PPP1R12A: variants seen among roughly 807,000 people sequenced by gnomAD.
PPP1R12A encodes the protein myosin binding subunit.
In PPP1R12A, 19 loss-of-function variants were observed where a neutral mutation model predicts 139.6. That is an observed-to-expected ratio of 0.14 (90% CI 0.09 to 0.20). The LOEUF (loss-of-function observed/expected upper bound fraction) is 0.20, where lower values mean the gene tolerates loss of function less well. Among genes scored for constraint, PPP1R12A ranks in the 10% least tolerant of loss-of-function variants. The pLI is 1.00. For synonymous variants in PPP1R12A, 427 were observed against 420.6 expected (o/e 1.02, Z -0.19); for missense variants, 925 against 1,211.5 (o/e 0.76, Z 3.51).
intron 1 of PPP1R12A, among the ~76,000 whole-genome samples, chr12:79,897,448 A>G (rs1885231672): frequency 6.6e-6 from 1 of 152,194 alleles, no homozygotes; most frequent in South Asian, 2.1e-4. Flanking sequence ...TACTTTGCTC[A>G]GTACCTGGGT....
At chr12:79,824,075 A>C (rs1876474611) in intron 5 of PPP1R12A, 1 of 152,214 alleles carries the variant, frequency 6.6e-6, no homozygotes, top group Non-Finnish European at 1.5e-5. Context: ...TTTTAGTTTT[A>C]ACAAACTTTC....
At chr12:79,786,870 A>C (rs1260910714) in intron 21 of PPP1R12A, 2 of 153,844 alleles carry the variant, frequency 1.3e-5, no homozygotes, top group Admixed American at 6.5e-5. Context: ...TTGCATTCCC[A>C]AAAATGAGAC....
intron 13 of PPP1R12A, 28 bp downstream of exon 13, chr12:79,806,138 C>A (rs1308847629): frequency 1.2e-6 from 2 of 1,610,126 alleles, no homozygotes; most frequent in Middle Eastern, 1.7e-4. Flanking sequence ...CACAGTAGAC[C>A]TGAGCACAAA....
Position 79,916,633 on chromosome 12 carries a change from T to G in PPP1R12A, c.237+18062A>C, listed in dbSNP as rs570208377. Reference sequence around the variant, plus strand: ...CACTTGCAAAAAGCTACAAAATACATCTAACCATATCCAGAATTCCATTAT... The same window carrying G: ...CACTTGCAAAAAGCTACAAAATACAGCTAACCATATCCAGAATTCCATTAT... On this transcript the variant is annotated intron_variant, in intron 1 of 24. Transcript: ENST00000450142. 3.3e-4 allele frequency among the ~76,000 whole-genome samples: 50 copies of G among 152,282 alleles called. No individual in the cohort carries two copies. In the South Asian group the frequency reaches 5.8e-3, roughly 18 times the overall value.
intron 5 of PPP1R12A, chr12:79,824,910 A>T (rs1876579233): frequency 1.3e-5 from 2 of 152,176 alleles, no homozygotes; most frequent in African/African-American, 4.8e-5. Flanking sequence ...AGTCACAAAC[A>T]CACTAGAGAC....
chr12:79,844,428 CT>C (rs966480512), intron 3 of PPP1R12A, among the ~76,000 whole-genome samples: 2 of 152,168 alleles, frequency 1.3e-5, no homozygotes, highest in African/African-American at 4.8e-5. Flanking sequence ...TTAGAATCTT[CT>C]TTTTTTCACA....
At chr12:79,925,261 C>T (rs549730028) in intron 1 of PPP1R12A, among the ~76,000 whole-genome samples, 2 of 149,556 alleles carry the variant, frequency 1.3e-5, no homozygotes, top group African/African-American at 4.9e-5. Flanking sequence ...CATACGTGTA[C>T]GTGTGTGTGT....
At chr12:79,931,020 A>G (rs1014530199) in intron 1 of PPP1R12A, among the ~76,000 whole-genome samples, 1 of 152,180 alleles carries the variant, frequency 6.6e-6, no homozygotes, top group Admixed American at 6.5e-5. Flanking sequence ...AGAAAGATAG[A>G]CCTGTTTTAG....
At chr12:79,789,056 C>G (rs1871473661) in intron 20 of PPP1R12A, among the ~76,000 whole-genome samples, 1 of 152,092 alleles carries the variant, frequency 6.6e-6, no homozygotes, top group African/African-American at 2.4e-5. Flanking sequence ...TCTACCTCAG[C>G]CTCCTGGGTT....
At chr12:79,786,282 T>A in intron 22 of PPP1R12A, 92 bp downstream of exon 22, 1 of 718,140 alleles carries the variant, frequency 1.4e-6, no homozygotes, top group South Asian at 1.9e-5. Context: ...CAAACTTCTA[T>A]TTAGAGTATT....
chr12:79,861,713 T>A (rs991937896), intron 2 of PPP1R12A, among the ~76,000 whole-genome samples: 7 of 152,072 alleles, frequency 4.6e-5, no homozygotes, highest in African/African-American at 1.7e-4. Context: ...AGCACAGCAG[T>A]CTGAGATCAA....
intron 1 of PPP1R12A, among the ~76,000 whole-genome samples, chr12:79,911,929 T>C (rs1305245990): frequency 6.6e-6 from 1 of 152,170 alleles, no homozygotes; most frequent in Non-Finnish European, 1.5e-5. Context: ...ATTTCTAGGG[T>C]TCTAGTGTGA....
chr12:79,781,773 CAAGA>C (rs1247067333), intron 23 of PPP1R12A, 38 bp downstream of exon 23: 1 of 1,272,538 alleles, frequency 7.9e-7, no homozygotes, highest in Non-Finnish European at 1.1e-6. Context: ...TTACCTAAAA[CAAGA>C]AAGAAAAAAA....
intron 1 of PPP1R12A, among the ~76,000 whole-genome samples, chr12:79,931,124 AG>A (rs1402147709): frequency 6.6e-6 from 1 of 152,216 alleles, no homozygotes; most frequent in East Asian, 1.9e-4. Flanking sequence ...ATGCTGGTAA[AG>A]TCTAAAGATA....
intron 18 of PPP1R12A, among the ~76,000 whole-genome samples, chr12:79,794,771 T>A (rs535124935): frequency 6.6e-5 from 10 of 150,522 alleles, no homozygotes; most frequent in African/African-American, 2.2e-4. Context: ...AAAGAATAGT[T>A]AGAAATTTTC....
intron 2 of PPP1R12A, among the ~76,000 whole-genome samples, chr12:79,860,160 TA>T (rs1881156662): frequency 6.6e-6 from 1 of 152,154 alleles, no homozygotes. Context: ...AGTGGAAGCC[TA>T]AAAAACAAAT....
chr12:79,805,120 T>C (rs1873665683), intron 14 of PPP1R12A, among the ~76,000 whole-genome samples: 1 of 152,248 alleles, frequency 6.6e-6, no homozygotes. Flanking sequence ...CTTACACTTA[T>C]GCACAGAAGT....
chr12:79,880,328 A>C (rs961924171), intron 1 of PPP1R12A, among the ~76,000 whole-genome samples: 7 of 152,200 alleles, frequency 4.6e-5, no homozygotes, highest in African/African-American at 1.7e-4. Context: ...TCAAGTACCA[A>C]ATCAACTGGC....
chr12:79,807,073 T>G (rs1453560565), intron 12 of PPP1R12A, 153 bp downstream of exon 12: 1 of 505,078 alleles, frequency 2.0e-6, no homozygotes, highest in Non-Finnish European at 3.4e-6. Context: ...TAAATATATA[T>G]CCTGTGTTTA....
Sources: gnomAD v4.1 joint callset for allele counts (sites outside exome capture counted in the v4.1 genomes callset) on GRCh38, gnomAD v4.1.1 for gene constraint, MANE v1.5 for transcripts, NCBI Gene and HGNC (gene_info 2026-07-23, HGNC 2026-07-21) for gene names.